LRRC34: variants seen among roughly 807,000 people sequenced by gnomAD.
LRRC34 encodes the protein leucine rich repeat containing 34.
Under a neutral mutation model 48.5 loss-of-function variants are expected in LRRC34, and 44 were observed. The observed-to-expected ratio is 0.91, with a 90% CI of 0.71 to 1.17. The LOEUF is 1.17. Among genes scored for constraint, LRRC34 ranks in the 50% most tolerant of loss-of-function variants. The pLI is 0.00. For synonymous variants in LRRC34, 192 were observed against 197.6 expected (o/e 0.97, Z 0.24); for missense variants, 502 against 563.0 (o/e 0.89, Z 1.10).
chr3:169,807,106 G>GA (rs1389899863), intron 4 of LRRC34, among the ~76,000 whole-genome samples, 175 bp from the exon 5 acceptor site: 1 of 151,818 alleles, frequency 6.6e-6, no homozygotes, highest in Non-Finnish European at 1.5e-5. Context: ...CTACATTAAG[G>GA]AAAAAAATCA....
chr3:169,808,855 G>T lies in LRRC34; in HGVS notation c.140-110C>A, dbSNP rs73879130. On this transcript the variant is annotated intron_variant, in intron 1 of 10. Transcript: ENST00000446859. The stretch of plus-strand genomic sequence containing the variant: ...ATGAGTTGTATGTGTGTATAGTGGG[G>T]GTAGGGAAGAAAAGGAAACAGAATT... 0.02 allele frequency: 12,293 copies of T among 612,204 alleles called. 620 individuals are homozygous for T. Among genetic ancestry groups the T allele is most frequent in the African/African-American group, 0.13 (6,463 of 51,402 alleles). The allele number at this position is 612,204 out of a possible 1,614,324, so 37.9% of individuals were successfully genotyped here.
intron 6 of LRRC34, among the ~76,000 whole-genome samples, chr3:169,801,230 G>A (rs971125796): frequency 6.6e-5 from 10 of 152,120 alleles, no homozygotes; most frequent in Non-Finnish European, 1.2e-4. Context: ...CCCCATATCC[G>A]TGATGGACAC....
At chr3:169,803,951 T>C (rs1779280703) in intron 6 of LRRC34, 102 bp downstream of exon 6, 1 of 1,144,668 alleles carries the variant, frequency 8.7e-7, no homozygotes, top group African/African-American at 1.6e-5. Flanking sequence ...TTTTCTCTGA[T>C]ATTAGACATA....
Position 169,812,351 on chromosome 3 carries a change from G to GGCGCCCCTC in LRRC34, c.139+50_139+58dup. ...GGGAGGACTCCTGCCGTGCGACCCCGGCGCCCCTCGCGCGTTTTGTCTGGG... is the reference window on the plus strand; with the variant it reads ...GGGAGGACTCCTGCCGTGCGACCCCGGCGCCCCTCGCGCCCCTCGCGCGTTTTGTCTGGG... On this transcript the variant is annotated intron_variant, in intron 1 of 10. Coordinates refer to ENST00000446859, the MANE Select transcript of LRRC34 (RefSeq NM_001172779.2). The surrounding 1 kb of genome is among the most constrained non-coding windows in gnomAD (Gnocchi z 4.3). The GGCGCCCCTC allele has an allele frequency of 6.8e-7, 1 of 1,468,166 alleles. No homozygotes were observed. Among genetic ancestry groups the GGCGCCCCTC allele is most frequent in the Non-Finnish European group, 9.0e-7 (1 of 1,114,582 alleles). 90.9% of individuals were successfully genotyped at this position (1,468,166 alleles called of 1,614,324 possible). A position where few individuals can be genotyped will look rare whatever the true frequency, so the allele number is the denominator to read the frequency against.
At chr3:169,801,742 T>C (rs1264234226) in intron 6 of LRRC34, among the ~76,000 whole-genome samples, 1 of 152,224 alleles carries the variant, frequency 6.6e-6, no homozygotes, top group Non-Finnish European at 1.5e-5. Flanking sequence ...CTTGCTATTT[T>C]ATTATTCATG....
At chr3:169,800,804 T>G (rs1475149067) in intron 6 of LRRC34, 50 bp from the exon 7 acceptor site, 4 of 1,156,056 alleles carry the variant, frequency 3.5e-6, no homozygotes, top group Non-Finnish European at 4.9e-6. Context: ...TATAATAATC[T>G]CGCTACATAA....
At chr3:169,800,986 AG>A (rs1428042483) in intron 6 of LRRC34, among the ~76,000 whole-genome samples, 1 of 152,140 alleles carries the variant, frequency 6.6e-6, no homozygotes, top group Non-Finnish European at 1.5e-5. Flanking sequence ...TTAATGTTTC[AG>A]TGTCCATTTC....
intron 7 of LRRC34, among the ~76,000 whole-genome samples, chr3:169,799,827 C>T (rs1779128527): frequency 6.6e-6 from 1 of 152,114 alleles, no homozygotes; most frequent in Non-Finnish European, 1.5e-5. Flanking sequence ...ATTCTCCTGC[C>T]TCAGCCTCCC....
intron 2 of LRRC34, chr3:169,808,091 TC>T (rs1779443464): frequency 6.1e-6 from 1 of 164,988 alleles, no homozygotes. Context: ...GGCGGGCTGA[TC>T]ACCTGAGGTC....
rs1267272820 is a variant in LRRC34, at chr3:169,812,603, C to T, written c.-55G>A. The T allele has an allele frequency of 7.0e-7, 1 of 1,418,746 alleles. No homozygotes were observed. The highest frequency in any genetic ancestry group is 9.1e-7 in the Non-Finnish European group (1 of 1,093,474). 87.9% of individuals were successfully genotyped at this position (1,418,746 alleles called of 1,614,324 possible). Reference sequence around the variant, plus strand: ...TGCAGCTGTGAGGCGGCTACACGAGCCTCGGCGCCAGCCTGCTTCGAGTCC... The same window carrying T: ...TGCAGCTGTGAGGCGGCTACACGAGTCTCGGCGCCAGCCTGCTTCGAGTCC... On this transcript the variant is annotated 5_prime_UTR_variant, in exon 1 of 11. Coordinates refer to ENST00000446859, the MANE Select transcript of LRRC34 (RefSeq NM_001172779.2). The surrounding 1 kb of genome is among the most constrained non-coding windows in gnomAD (Gnocchi z 4.3).
intron 6 of LRRC34, 78 bp downstream of exon 6, chr3:169,803,975 A>G (rs1264043421): frequency 2.2e-6 from 3 of 1,348,282 alleles, no homozygotes; most frequent in Non-Finnish European, 2.9e-6. Context: ...GGCAAAATTA[A>G]TCATTCATAA....
At chr3:169,795,881 C>G in intron 9 of LRRC34, 1 of 1,159,182 alleles carries the variant, frequency 8.6e-7, no homozygotes, top group Non-Finnish European at 1.1e-6. Flanking sequence ...TGGATAAATG[C>G]ATCCAAGTAT....
At position 169,806,883 on chromosome 3, in the gene LRRC34, G is replaced by A. The variant is rs780145082; in HGVS notation, c.493C>T (p.Pro165Ser). ...TTAGCAATCAATTCTCCACCTTCGG[G>A]CCCAATATCATTAAACATGAGGTTT... ...YLNLMFNDIG[P>S]EGGELIAKVL... Residue 165 changes from proline (P) to serine (S), a missense_variant, in exon 5 of 11, where the codon CCC (proline) becomes TCC (serine). Physicochemically the swap from Pro to Ser is moderately conservative, Grantham distance 74. Transcript: ENST00000446859. The A allele has an allele frequency of 2.5e-6, 4 of 1,607,272 alleles. No homozygotes were observed. The South Asian group carries it at 3.3e-5, about 13-fold the overall frequency.
In LRRC34 at chr3:169,812,627, C is replaced by G. The variant is rs975967795; in HGVS notation, c.-79G>C. The G allele has an allele frequency of 2.8e-6, 4 of 1,404,412 alleles. No homozygotes were observed. The African/African-American group carries it at 4.5e-5, about 16-fold the overall frequency. 87.0% of individuals were successfully genotyped at this position (1,404,412 alleles called of 1,614,324 possible). A position where few individuals can be genotyped will look rare whatever the true frequency, so the allele number is the denominator to read the frequency against. On this transcript the variant is annotated 5_prime_UTR_variant, in exon 1 of 11. Transcript: ENST00000446859. This position sits in a 1 kb window ranked among gnomAD's most constrained non-coding sequence, Gnocchi z 4.3. ...GCCTCGGCGCCAGCCTGCTTCGAGT[C>G]CCGCTGGCTGTGCCTGCCCGGGCCC...
intron 4 of LRRC34, among the ~76,000 whole-genome samples, 173 bp downstream of exon 4, chr3:169,807,253 G>T (rs1009620333): frequency 7.2e-5 from 11 of 152,172 alleles, no homozygotes; most frequent in Non-Finnish European, 8.8e-5. Context: ...AGGAGCTCTA[G>T]CTACTGGCTC....
chr3:169,810,844 C>T (rs1436249110), intron 1 of LRRC34, among the ~76,000 whole-genome samples: 1 of 152,238 alleles, frequency 6.6e-6, no homozygotes, highest in African/African-American at 2.4e-5. Flanking sequence ...GCGAGCGGAT[C>T]ACTTGAGGCC....
chr3:169,805,818 A>C (rs1045898362), intron 5 of LRRC34, among the ~76,000 whole-genome samples: 1 of 140,698 alleles, frequency 7.1e-6, no homozygotes, highest in Non-Finnish European at 1.5e-5. Flanking sequence ...TAGGAGGTGG[A>C]GGTTGTGGTG....
At chr3:169,802,107 T>C (rs942761984) in intron 6 of LRRC34, among the ~76,000 whole-genome samples, 1 of 152,206 alleles carries the variant, frequency 6.6e-6, no homozygotes, top group Non-Finnish European at 1.5e-5. Flanking sequence ...CAAACTTACT[T>C]TACACCATTT....
At chr3:169,810,438 T>C (rs750251137) in intron 1 of LRRC34, among the ~76,000 whole-genome samples, 5 of 152,182 alleles carry the variant, frequency 3.3e-5, no homozygotes, top group Non-Finnish European at 5.9e-5. Flanking sequence ...TGTAAGCAGT[T>C]TTCCCATGTC....
Sources: allele counts gnomAD v4.1 joint callset (sites outside exome capture counted in the v4.1 genomes callset), GRCh38; gene constraint gnomAD v4.1.1; non-coding constraint Gnocchi (gnomAD v3.1); transcripts MANE v1.5; gene names NCBI Gene and HGNC (gene_info 2026-07-23, HGNC 2026-07-21).